The following AK7 variants were observed in gnomAD, a reference collection of about 807,000 sequenced individuals.
The protein encoded by AK7 is adenylate kinase 7.
AK7 carries 78 observed loss-of-function variants against 96.6 expected under a neutral mutation model. The observed-to-expected ratio is 0.81, with a 90% confidence interval of 0.67 to 0.97. AK7 has a LOEUF of 0.97. Ranked by LOEUF, AK7 falls within the 50% of genes least tolerant of loss-of-function variation. The pLI is 0.00. For missense variants in AK7, 855 were observed against 887.9 expected, an observed-to-expected ratio of 0.96 and a Z score of 0.47; for synonymous variants, 302 against 317.2, an observed-to-expected ratio of 0.95 and a Z score of 0.51.
intron 2 of AK7, among the ~76,000 whole-genome samples, chr14:96,400,726 T>G (rs145200119): frequency 6.6e-6 from 1 of 152,314 alleles, no homozygotes; most frequent in Non-Finnish European, 1.5e-5. Context: ...CAAGCATCTC[T>G]TTGAGTCTCA....
intron 7 of AK7, among the ~76,000 whole-genome samples, chr14:96,443,887 C>T (rs1473258358): frequency 6.6e-6 from 1 of 150,944 alleles, no homozygotes; most frequent in Non-Finnish European, 1.5e-5. Context: ...CATTCTCCTG[C>T]CTCAGCCTCC....
chr14:96,489,051 T>C lies in AK7; in HGVS notation c.*708T>C, dbSNP rs1718512892. 6.6e-6 allele frequency: 1 copy of C among 152,208 alleles called. No homozygotes were observed. Among genetic ancestry groups the C allele is most frequent in the Admixed American group, 6.5e-5 (1 of 15,280 alleles). The allele number at this position is 152,208 out of a possible 1,614,324, so 9.4% of individuals were successfully genotyped here. A position where few individuals can be genotyped will look rare whatever the true frequency, so the allele number is the denominator to read the frequency against. ...TCAATCCTATAGTCTTTTCCAGTTC[T>C]AAAAATCCCATAAGATTCCTAGAAT... On this transcript the variant is annotated 3_prime_UTR_variant, in exon 18 of 18. Transcript: ENST00000267584.
chr14:96,471,377 T>G lies in AK7; in HGVS notation c.1358-101T>G, dbSNP rs955933096. The G allele has an allele frequency of 5.2e-6, 3 of 581,142 alleles. No individual in the cohort carries two copies. The Admixed American group carries it at 1.2e-4, about 22-fold the overall frequency. 36.0% of individuals were successfully genotyped at this position (581,142 alleles called of 1,614,324 possible). A position where few individuals can be genotyped will look rare whatever the true frequency, so the allele number is the denominator to read the frequency against. ...AAAGCAAAATAGGGATTTCCAATAG[T>G]ACCTTTGACTACACAACAATTTTTG... is the stretch of plus-strand genomic sequence containing the variant. On this transcript the variant is annotated intron_variant, in intron 12 of 17. Coordinates refer to ENST00000267584, the MANE Select transcript of AK7 (RefSeq NM_152327.5).
At chr14:96,429,246 A>G (rs1433022361) in intron 5 of AK7, among the ~76,000 whole-genome samples, 2 of 152,014 alleles carry the variant, frequency 1.3e-5, no homozygotes, top group African/African-American at 4.8e-5. Context: ...TGTTTTTCTC[A>G]GGTTTGTCAA....
intron 4 of AK7, among the ~76,000 whole-genome samples, chr14:96,418,606 C>T (rs1022962803): frequency 1.3e-5 from 2 of 152,108 alleles, no homozygotes; most frequent in Admixed American, 1.3e-4. Flanking sequence ...GCAACCTCAG[C>T]CTCCCAGGTT....
At chr14:96,470,576 C>T (rs1437172370) in intron 12 of AK7, among the ~76,000 whole-genome samples, 1 of 152,068 alleles carries the variant, frequency 6.6e-6, no homozygotes, top group Non-Finnish European at 1.5e-5. Context: ...GCCAGGAACC[C>T]AGTGTCAGGG....
chr14:96,423,192 G>C (rs1422545743), intron 5 of AK7, among the ~76,000 whole-genome samples: 2 of 152,206 alleles, frequency 1.3e-5, no homozygotes, highest in Non-Finnish European at 2.9e-5. Flanking sequence ...CGCCTATTAA[G>C]GCAACTGAGA....
At chr14:96,426,821 C>G (rs2140056747) in intron 5 of AK7, among the ~76,000 whole-genome samples, 1 of 152,252 alleles carries the variant, frequency 6.6e-6, no homozygotes, top group Middle Eastern at 3.4e-3. Flanking sequence ...TTTTCTCTTG[C>G]TGCTTTTTGG....
At chr14:96,465,973 G>T (rs1166563131) in intron 12 of AK7, among the ~76,000 whole-genome samples, 5 of 142,600 alleles carry the variant, frequency 3.5e-5, no homozygotes. Flanking sequence ...TCATGCCACT[G>T]CACTCCAGAC....
chr14:96,439,588 G>A (rs554693885), intron 6 of AK7, among the ~76,000 whole-genome samples: 3 of 151,060 alleles, frequency 2.0e-5, no homozygotes, highest in African/African-American at 4.9e-5. Context: ...GGTGTGAACC[G>A]AGGAGGCGGA....
chr14:96,471,458 C>T lies in AK7; in HGVS notation c.1358-20C>T, dbSNP rs532501350. 4 of 1,277,062 alleles carry T rather than the reference C, an allele frequency of 3.1e-6. No homozygotes were observed. Among genetic ancestry groups the T allele is most frequent in the East Asian group, 5.1e-5 (2 of 38,888 alleles). 79.1% of individuals were successfully genotyped at this position (1,277,062 alleles called of 1,614,324 possible). On this transcript the variant is annotated intron_variant, in intron 12 of 17. Coordinates refer to ENST00000267584, the MANE Select transcript of AK7 (RefSeq NM_152327.5). ...TGTGATACATTATAAGTAATATATA[C>T]ATATATGTTTTTTTATCAGGTCAAC... is the stretch of plus-strand genomic sequence containing the variant.
intron 5 of AK7, chr14:96,424,230 G>C: frequency 2.2e-6 from 1 of 461,986 alleles, no homozygotes; most frequent in South Asian, 2.2e-5. Flanking sequence ...GGGGCCGAGC[G>C]GAGCGCGCAG....
chr14:96,437,494 T>C (rs935310876), intron 5 of AK7, among the ~76,000 whole-genome samples: 2 of 152,202 alleles, frequency 1.3e-5, no homozygotes, highest in Non-Finnish European at 1.5e-5. Flanking sequence ...TTTCAGGTAC[T>C]AGATCATTAA....
At chr14:96,470,434 G>A (rs998524639) in intron 12 of AK7, among the ~76,000 whole-genome samples, 6 of 152,128 alleles carry the variant, frequency 3.9e-5, no homozygotes, top group Middle Eastern at 3.2e-3. Context: ...ATGGGGCTGC[G>A]TTTTGAACAT....
At chr14:96,463,585 T>C (rs1261030175) in intron 12 of AK7, among the ~76,000 whole-genome samples, 1 of 151,616 alleles carries the variant, frequency 6.6e-6, no homozygotes. Flanking sequence ...CCGGGTGTGG[T>C]GGCGGGCGCC....
intron 17 of AK7, among the ~76,000 whole-genome samples, 181 bp downstream of exon 17, chr14:96,487,237 T>C (rs1895821508): frequency 6.8e-6 from 1 of 147,656 alleles, no homozygotes; most frequent in African/African-American, 2.5e-5. Context: ...AAAAAAAAAT[T>C]AGCTGGGTGT....
chr14:96,457,980 C>G, intron 11 of AK7, 103 bp from the exon 12 acceptor site: 8 of 1,525,184 alleles, frequency 5.2e-6, no homozygotes, highest in Non-Finnish European at 7.1e-6. Flanking sequence ...GGTACCTGTC[C>G]TATTTGGATC....
At position 96,456,362 on chromosome 14, in the gene AK7, A is replaced by G. The variant is rs1436862929; in HGVS notation, c.1114A>G (p.Ile372Val). ...CCTCTTTCAGCCAATCAAGATCTGC[A>G]TTCTTGGTCCCCCTGCTGTGGGAAA... ...SRGLMPIKIC[I>V]LGPPAVGKSS... Residue 372 changes from isoleucine (I) to valine (V), a missense_variant, in exon 11 of 18, where the codon ATT becomes GTT. Coordinates refer to ENST00000267584, the MANE Select transcript of AK7 (RefSeq NM_152327.5). 1.9e-6 allele frequency: 3 copies of G among 1,612,624 alleles called. No homozygotes were observed. The highest frequency in any genetic ancestry group is 2.5e-6 in the Non-Finnish European group (3 of 1,179,210).
intron 16 of AK7, among the ~76,000 whole-genome samples, chr14:96,486,647 T>G (rs1595473572): frequency 1.3e-5 from 2 of 152,174 alleles, no homozygotes; most frequent in South Asian, 4.1e-4. Flanking sequence ...CTTTTTTTTT[T>G]TTTTTCTATT....
Sources: allele counts gnomAD v4.1 joint callset (sites outside exome capture counted in the v4.1 genomes callset), GRCh38; gene constraint gnomAD v4.1.1; transcripts MANE v1.5; gene names NCBI Gene and HGNC (gene_info 2026-07-23, HGNC 2026-07-21).